The following DNAH14 variants were observed in gnomAD, a reference collection of about 807,000 sequenced individuals.
DNAH14 encodes axonemal beta dynein heavy chain 14.
In DNAH14, 478 loss-of-function variants were observed where a neutral mutation model predicts 520.9. The observed-to-expected ratio is 0.92, with a 90% confidence interval of 0.85 to 0.99. The LOEUF (loss-of-function observed/expected upper bound fraction) is 0.99. Among genes scored for constraint, DNAH14 ranks in the 50% least tolerant of loss-of-function variants. The pLI is 0.00. For synonymous variants in DNAH14, 1,581 were observed against 1,757.2 expected (o/e 0.90, Z 2.51); for missense variants, 4,831 against 5,234.5 (o/e 0.92, Z 2.38).
At chr1:225,357,326 A>G (rs2095440912) in intron 73 of DNAH14, among the ~76,000 whole-genome samples, 1 of 151,616 alleles carries the variant, frequency 6.6e-6, no homozygotes, top group South Asian at 2.1e-4. Flanking sequence ...AAAAAAAAAA[A>G]ATAGTCCTCA....
intron 17 of DNAH14, among the ~76,000 whole-genome samples, chr1:225,057,742 T>G (rs1162745744): frequency 6.6e-6 from 1 of 152,118 alleles, no homozygotes; most frequent in Non-Finnish European, 1.5e-5. Context: ...GCATGAAGGG[T>G]TGTTGAATTT....
intron 36 of DNAH14, among the ~76,000 whole-genome samples, chr1:225,168,306 G>C (rs1474069793): frequency 2.6e-5 from 4 of 152,164 alleles, no homozygotes; most frequent in African/African-American, 9.6e-5. Flanking sequence ...GGGGATTGTT[G>C]AACAGTGGGT....
intron 41 of DNAH14, among the ~76,000 whole-genome samples, chr1:225,228,546 CAACA>C (rs1574143091): frequency 6.6e-6 from 1 of 152,052 alleles, no homozygotes; most frequent in East Asian, 1.9e-4. Context: ...TCTACATGCC[CAACA>C]AACAGCCACA....
rs1054404232 is a variant in DNAH14 at position 225,105,247 on chromosome 1, G to A, written c.3867+4363G>A. On this transcript the variant is annotated intron_variant, in intron 23 of 85. Coordinates refer to ENST00000682510, the MANE Select transcript of DNAH14 (RefSeq NM_001367479.1). ...CTAGTTTGATTGCACTGTGGTCTGA[G>A]AGACAGTTTGTTATAATTTCTGATC... Among the ~76,000 whole-genome samples the A allele has an allele frequency of 3.3e-4, 50 of 152,292 alleles. 1 individual carries two copies. The highest frequency in any genetic ancestry group is 1.2e-3 in the African/African-American group (49 of 41,558).
chr1:225,392,217 C>T (rs2095925667), intron 83 of DNAH14, 74 bp from the exon 84 acceptor site: 2 of 1,489,950 alleles, frequency 1.3e-6, no homozygotes, highest in Admixed American at 2.1e-5. Context: ...CTCCATGAGA[C>T]ATCATTGTTG....
Position 225,374,749 on chromosome 1 carries a change from T to C in DNAH14, c.12380T>C (p.Leu4127Pro), listed in dbSNP as rs544277889. 5.8e-6 allele frequency: 9 copies of C among 1,551,582 alleles called. No individual in the cohort carries two copies. In the East Asian group the frequency reaches 1.7e-4, roughly 29 times the overall value. The part of the protein sequence containing the change: ...RGQPSISWQA[L>P]RYLIGEVIYG... ...CAGCCCAGCATTTCGTGGCAAGCAC[T>C]GCGCTACCTGATTGGAGAAGTGATT... The change falls in exon 78 of 86, where the codon CTG (leucine) becomes CCG (proline). Residue 4127 changes from leucine to proline, a missense_variant. By Grantham distance (98) the Leu-to-Pro change is moderately conservative. Coordinates refer to ENST00000682510, the MANE Select transcript of DNAH14 (RefSeq NM_001367479.1).
At chr1:225,381,683 T>G (rs1438373092) in intron 81 of DNAH14, 104 bp downstream of exon 81, 4 of 933,352 alleles carry the variant, frequency 4.3e-6, no homozygotes, top group Non-Finnish European at 6.3e-6. Context: ...ATGAAATATG[T>G]AACTCTTAAA....
intron 52 of DNAH14, among the ~76,000 whole-genome samples, chr1:225,274,862 C>T (rs2093427231): frequency 6.6e-6 from 1 of 152,182 alleles, no homozygotes. Context: ...TACAATATCA[C>T]TTAATCGGTC....
At chr1:224,979,673 T>G (rs1558583127) in intron 8 of DNAH14, among the ~76,000 whole-genome samples, 1 of 152,142 alleles carries the variant, frequency 6.6e-6, no homozygotes, top group Non-Finnish European at 1.5e-5. Flanking sequence ...AAGAGAGTGC[T>G]TGCACCTACC....
chr1:225,270,034 G>T (rs1245079951), intron 49 of DNAH14, among the ~76,000 whole-genome samples: 1 of 152,090 alleles, frequency 6.6e-6, no homozygotes, highest in Non-Finnish European at 1.5e-5. Context: ...TATGTTTATT[G>T]CAGCACTATT....
intron 41 of DNAH14, among the ~76,000 whole-genome samples, chr1:225,221,056 A>G (rs1402695151): frequency 6.6e-6 from 1 of 152,236 alleles, no homozygotes; most frequent in Non-Finnish European, 1.5e-5. Flanking sequence ...CAATGGGGAA[A>G]GGATTCTCTA....
At chr1:224,986,480 A>G (rs2062651734) in intron 8 of DNAH14, among the ~76,000 whole-genome samples, 1 of 152,170 alleles carries the variant, frequency 6.6e-6, no homozygotes, top group Non-Finnish European at 1.5e-5. Context: ...AGGATAGTTC[A>G]ACATATCAAC....
chr1:225,386,540 A>C (rs927879107), intron 81 of DNAH14, among the ~76,000 whole-genome samples: 3 of 152,252 alleles, frequency 2.0e-5, no homozygotes, highest in Non-Finnish European at 4.4e-5. Flanking sequence ...ACAAGAAAAA[A>C]ATCAAATAAC....
chr1:225,219,500 C>T (rs1441708926), intron 41 of DNAH14, among the ~76,000 whole-genome samples: 1 of 151,960 alleles, frequency 6.6e-6, no homozygotes, highest in African/African-American at 2.4e-5. Context: ...CACAGTAATA[C>T]AAGCTACCAT....
intron 73 of DNAH14, among the ~76,000 whole-genome samples, chr1:225,355,227 C>G (rs2095416776): frequency 1.3e-5 from 2 of 152,140 alleles, no homozygotes; most frequent in African/African-American, 4.8e-5. Context: ...CATCGTCTTG[C>G]TGTGTCCTCA....
intron 10 of DNAH14, among the ~76,000 whole-genome samples, chr1:225,016,852 A>T (rs1403307928): frequency 6.7e-6 from 1 of 149,760 alleles, no homozygotes. Flanking sequence ...GCATTTTTAA[A>T]TTTCCTTCAT....
chr1:225,019,331 C>T (rs144043287), intron 10 of DNAH14, among the ~76,000 whole-genome samples: 1 of 152,176 alleles, frequency 6.6e-6, no homozygotes, highest in African/African-American at 2.4e-5. Context: ...ACAAAGAAGG[C>T]CATTACATAA....
chr1:225,005,273 A>G (rs1202931168), intron 9 of DNAH14, among the ~76,000 whole-genome samples: 1 of 152,160 alleles, frequency 6.6e-6, no homozygotes, highest in Non-Finnish European at 1.5e-5. Context: ...TCCTTTTGCA[A>G]GAGAGGGCAG....
chr1:224,957,179 T>C (rs969742780), intron 3 of DNAH14, among the ~76,000 whole-genome samples: 1 of 151,978 alleles, frequency 6.6e-6, no homozygotes, highest in African/African-American at 2.4e-5. Context: ...GTTACGGTGA[T>C]GGGTTGGTGA....
Sources: allele counts gnomAD v4.1 joint callset (sites outside exome capture counted in the v4.1 genomes callset), GRCh38; gene constraint gnomAD v4.1.1; transcripts MANE v1.5; gene names NCBI Gene and HGNC (gene_info 2026-07-23, HGNC 2026-07-21).